Variants in FHIT observed in about 807,000 individuals in gnomAD.
FHIT encodes the protein bis(5'-adenosyl)-triphosphatase.
A neutral mutation model predicts 17.9 loss-of-function variants in FHIT; 19 were observed. That is an observed-to-expected ratio of 1.06 (90% CI 0.74 to 1.56). The LOEUF (loss-of-function observed/expected upper bound fraction) is 1.56. Among genes scored for constraint, FHIT ranks in the 40% most tolerant of loss-of-function variants. The pLI is 0.00. For missense variants in FHIT, 248 were observed against 189.2 expected, an observed-to-expected ratio of 1.31 and a Z score of -1.82; for synonymous variants, 81 against 69.7, an observed-to-expected ratio of 1.16 and a Z score of -0.81.
At chr3:60,885,925 A>G (rs6793385) in intron 3 of FHIT, among the ~76,000 whole-genome samples, 38,851 of 151,978 alleles carry the variant, frequency 0.26, 5,730 homozygotes, top group African/African-American at 0.39. Flanking sequence ...GACTTACCAT[A>G]TTCATTTATT....
Position 59,748,225 on chromosome 3 carries a change from T to C in FHIT, c.*1360A>G, listed in dbSNP as rs1700705846. On this transcript the variant is annotated 3_prime_UTR_variant, in exon 10 of 10. Transcript: ENST00000492590. Reference sequence around the variant, plus strand: ...GCTGAAATATAAAGTTTAAGATATATATACTAAAATTCAAAAAGTGAATCA... The same window carrying C: ...GCTGAAATATAAAGTTTAAGATATACATACTAAAATTCAAAAAGTGAATCA... 2.6e-5 allele frequency among the ~76,000 whole-genome samples: 4 copies of C among 152,308 alleles called. No individual in the cohort carries two copies. The South Asian group carries it at 8.3e-4, about 32-fold the overall frequency.
chr3:60,731,829 C>T (rs929201317), intron 4 of FHIT, among the ~76,000 whole-genome samples: 1 of 152,304 alleles, frequency 6.6e-6, no homozygotes, highest in African/African-American at 2.4e-5. Flanking sequence ...CTGACCATCA[C>T]CTGATGGTCG....
intron 5 of FHIT, among the ~76,000 whole-genome samples, chr3:60,520,614 C>G (rs1370790493): frequency 3.3e-5 from 5 of 151,814 alleles, no homozygotes; most frequent in Non-Finnish European, 7.4e-5. Context: ...TTGGTAGTCT[C>G]AATGACCCCA....
intron 5 of FHIT, among the ~76,000 whole-genome samples, chr3:60,356,845 C>G (rs1034822838): frequency 4.8e-5 from 7 of 146,430 alleles, no homozygotes; most frequent in African/African-American, 1.8e-4. Flanking sequence ...AAATACTTCT[C>G]TTAGGTCTTC....
intron 3 of FHIT, among the ~76,000 whole-genome samples, chr3:60,862,887 T>C (rs553194224): frequency 6.6e-6 from 1 of 151,672 alleles, no homozygotes; most frequent in Admixed American, 6.6e-5. Flanking sequence ...TCCCTGGTTA[T>C]CCAATTAAAC....
At chr3:59,915,950 A>AAG (rs1491484631) in intron 8 of FHIT, among the ~76,000 whole-genome samples, 1 of 151,792 alleles carries the variant, frequency 6.6e-6, no homozygotes, top group Non-Finnish European at 1.5e-5. Context: ...AAAAAAAAAA[A>AAG]AGAGTTAATA....
chr3:60,697,848 G>C (rs1359321322), intron 4 of FHIT, among the ~76,000 whole-genome samples: 1 of 152,188 alleles, frequency 6.6e-6, no homozygotes, highest in Non-Finnish European at 1.5e-5. Flanking sequence ...TTAGAAAGGA[G>C]AGTTTCAAGT....
chr3:60,237,279 TTTG>T (rs1441281128), intron 5 of FHIT, among the ~76,000 whole-genome samples: 1 of 150,650 alleles, frequency 6.6e-6, no homozygotes, highest in Admixed American at 6.6e-5. Context: ...TTTTTTTTTT[TTTG>T]GTTAATCTGA....
intron 5 of FHIT, among the ~76,000 whole-genome samples, chr3:60,517,287 TTTC>T (rs1474535869): frequency 6.6e-6 from 1 of 152,234 alleles, no homozygotes; most frequent in Admixed American, 6.5e-5. Context: ...TGTAGATATC[TTTC>T]TTATTTATAT....
intron 3 of FHIT, among the ~76,000 whole-genome samples, chr3:60,981,631 C>T (rs1339464026): frequency 1.3e-5 from 2 of 152,010 alleles, no homozygotes; most frequent in East Asian, 1.9e-4. Flanking sequence ...TTTTTTGAGA[C>T]AGGGTCTTGC....
intron 2 of FHIT, among the ~76,000 whole-genome samples, chr3:61,057,918 C>T (rs1242477762): frequency 6.6e-6 from 1 of 152,160 alleles, no homozygotes; most frequent in Non-Finnish European, 1.5e-5. Flanking sequence ...GAGGAAGGCT[C>T]CTTGGGTCAC....
intron 5 of FHIT, among the ~76,000 whole-genome samples, chr3:60,415,090 T>C (rs1702196008): frequency 6.6e-6 from 1 of 152,158 alleles, no homozygotes; most frequent in African/African-American, 2.4e-5. Context: ...ATTCTGATGC[T>C]GGTAGATTAA....
chr3:61,227,893 A>G (rs1309205350), intron 1 of FHIT, among the ~76,000 whole-genome samples: 1 of 152,188 alleles, frequency 6.6e-6, no homozygotes, highest in Non-Finnish European at 1.5e-5. Context: ...AAATGGTACT[A>G]GCAAAACTGA....
intron 5 of FHIT, among the ~76,000 whole-genome samples, chr3:60,080,388 C>T (rs1480255421): frequency 2.0e-5 from 3 of 152,102 alleles, no homozygotes; most frequent in Non-Finnish European, 4.4e-5. Context: ...GTCTAGCCAT[C>T]AACCAGTTTT....
At chr3:60,282,940 A>C (rs1707531266) in intron 5 of FHIT, among the ~76,000 whole-genome samples, 1 of 152,134 alleles carries the variant, frequency 6.6e-6, no homozygotes, top group Admixed American at 6.6e-5. Flanking sequence ...GGTGAATACA[A>C]CAACCAGACT....
chr3:60,462,620 A>T (rs2032544444), intron 5 of FHIT, among the ~76,000 whole-genome samples: 1 of 152,252 alleles, frequency 6.6e-6, no homozygotes, highest in East Asian at 1.9e-4. Context: ...AAAGCAAGAG[A>T]TCCGCCAGGA....
chr3:60,926,849 G>A (rs1269533094), intron 3 of FHIT, among the ~76,000 whole-genome samples: 10 of 151,986 alleles, frequency 6.6e-5, no homozygotes, highest in Non-Finnish European at 1.0e-4. Context: ...TCAAATAGAC[G>A]CAATAAAAAA....
At chr3:60,433,367 T>C in intron 5 of FHIT, among the ~76,000 whole-genome samples, 1 of 152,250 alleles carries the variant, frequency 6.6e-6, no homozygotes, top group Non-Finnish European at 1.5e-5. Context: ...TTATGAATAA[T>C]GCTGCAATGA....
chr3:60,268,164 G>A (rs1270357777), intron 5 of FHIT, among the ~76,000 whole-genome samples: 1 of 152,140 alleles, frequency 6.6e-6, no homozygotes, highest in African/African-American at 2.4e-5. Context: ...ACACCCTACT[G>A]CTTCAACTCC....
Sources: gnomAD v4.1 joint callset for allele counts (sites outside exome capture counted in the v4.1 genomes callset) on GRCh38, gnomAD v4.1.1 for gene constraint, MANE v1.5 for transcripts, NCBI Gene and HGNC (gene_info 2026-07-23, HGNC 2026-07-21) for gene names.